Variants in LYRM9 observed in about 807,000 individuals in gnomAD.
LYRM9 encodes LYR motif-containing protein 9.
LYRM9 carries 14 observed loss-of-function variants against 12.6 expected under a neutral mutation model. The observed-to-expected ratio is 1.11, with a 90% CI of 0.73 to 1.73. LYRM9 has a LOEUF of 1.73. Ranked by LOEUF, LYRM9 falls within the 40% of genes most tolerant of loss-of-function variation. LYRM9 has a pLI of 0.00. For missense variants in LYRM9, 94 were observed against 95.0 expected (o/e 0.99, Z 0.04); for synonymous variants, 42 against 35.1 (o/e 1.20, Z -0.69).
intron 1 of LYRM9, among the ~76,000 whole-genome samples, chr17:27,887,058 C>T (rs1905253867): frequency 6.6e-6 from 1 of 152,178 alleles, no homozygotes. Flanking sequence ...TCTGAGACAA[C>T]TGCAACAGCC....
In LYRM9 at chr17:27,878,702, A is replaced by G. The variant is rs1350799615; in HGVS notation, c.*771T>C. 1 of 152,188 alleles carries G rather than the reference A, an allele frequency of 6.6e-6. No homozygotes were observed. Among genetic ancestry groups the G allele is most frequent in the Admixed American group, 6.5e-5 (1 of 15,276 alleles). 9.4% of individuals were successfully genotyped at this position (152,188 alleles called of 1,614,324 possible). On this transcript the variant is annotated 3_prime_UTR_variant, in exon 4 of 4. Transcript: ENST00000379102. ...CTGCTTTGGCGTCTCTCCTTGGTTC[A>G]TGTGGTGGGCACTTCACCACTTCAA...
At position 27,880,600 on chromosome 17, in the gene LYRM9, C is replaced by A. The variant is rs1905018195; in HGVS notation, c.127-234G>T. 5 of 559,206 alleles carry A rather than the reference C, an allele frequency of 8.9e-6. No homozygotes were observed. In the South Asian group the frequency reaches 1.1e-4, roughly 13 times the overall value. The allele number at this position is 559,206 out of a possible 1,614,324, so 34.6% of individuals were successfully genotyped here. A position where few individuals can be genotyped will look rare whatever the true frequency, so the allele number is the denominator to read the frequency against. Reference sequence around the variant, plus strand: ...TGTGACTGCAAAGCATGTACTCCTGCCACCAAGGTAGGTGCAAAAAGACTG... The same window carrying A: ...TGTGACTGCAAAGCATGTACTCCTGACACCAAGGTAGGTGCAAAAAGACTG... On this transcript the variant is annotated intron_variant, in intron 2 of 3. Coordinates refer to ENST00000379102, the MANE Select transcript of LYRM9 (RefSeq NM_001076680.3).
chr17:27,891,944 T>G (rs967468404), intron 1 of LYRM9: 1 of 151,624 alleles, frequency 6.6e-6, no homozygotes, highest in Non-Finnish European at 1.5e-5. Context: ...TTTTTTTTTT[T>G]GTCCTGAGAC....
intron 2 of LYRM9, 90 bp downstream of exon 2, chr17:27,882,479 C>G: frequency 7.0e-7 from 1 of 1,425,988 alleles, no homozygotes; most frequent in Non-Finnish European, 9.2e-7. Context: ...ATCTCAGAGA[C>G]TAGCTCTGTG....
At position 27,891,577 on chromosome 17, in the gene LYRM9, T is replaced by A. The variant is rs201833893; in HGVS notation, c.-19+1740A>T. 2.2e-4 allele frequency among the ~76,000 whole-genome samples: 34 copies of A among 152,296 alleles called. 1 individual carries two copies. In the East Asian group the frequency reaches 6.4e-3, roughly 28 times the overall value. On this transcript the variant is annotated intron_variant, in intron 1 of 3. Coordinates refer to ENST00000379102, the MANE Select transcript of LYRM9 (RefSeq NM_001076680.3). ...CACCTGCCTCAAGAATTCCCCTTCA[T>A]CCTTAGAGATCCAGTTCCCTGTCAC...
chr17:27,888,785 A>G (rs1020089090), intron 1 of LYRM9, among the ~76,000 whole-genome samples: 4 of 152,192 alleles, frequency 2.6e-5, no homozygotes, highest in African/African-American at 9.7e-5. Context: ...GAAGTCACCC[A>G]GCTTTTCTCC....
intron 1 of LYRM9, among the ~76,000 whole-genome samples, chr17:27,885,229 C>A (rs919399485): frequency 2.8e-4 from 42 of 152,318 alleles, no homozygotes; most frequent in African/African-American, 1.0e-3. Context: ...AAAAGCTAGT[C>A]CAACCAGAGT....
Position 27,892,356 on chromosome 17 carries a change from A to AT in LYRM9, c.-19+960_-19+961insA, listed in dbSNP as rs781161207. On this transcript the variant is annotated intron_variant, in intron 1 of 3. Coordinates refer to ENST00000379102, the MANE Select transcript of LYRM9 (RefSeq NM_001076680.3). The stretch of plus-strand genomic sequence containing the variant: ...GAAATGAAGGGAAATTAGTAAGAAA[A>AT]ATATATATACGGTTATTAGTCACTC... 1.3e-4 allele frequency: 58 copies of AT among 447,616 alleles called. 1 individual carries two copies. Among genetic ancestry groups the AT allele is most frequent in the South Asian group, 4.8e-4 (30 of 61,962 alleles). The allele number at this position is 447,616 out of a possible 1,614,324, so 27.7% of individuals were successfully genotyped here.
intron 1 of LYRM9, among the ~76,000 whole-genome samples, chr17:27,884,830 A>G (rs1905182076): frequency 4.9e-5 from 1 of 20,222 alleles, no homozygotes; most frequent in Non-Finnish European, 1.4e-4. Context: ...AACATATAAG[A>G]AAAAAAAAAA....
At position 27,879,130 on chromosome 17, in the gene LYRM9, C is replaced by T. The variant is rs1466201003; in HGVS notation, c.*343G>A. ...AGGTTGCTACCTGAGGGGACATCTG[C>T]TCTGGGACTCAGAGAATGATAAAGA... On this transcript the variant is annotated 3_prime_UTR_variant, in exon 4 of 4. Transcript: ENST00000379102. The T allele has an allele frequency of 3.2e-5, 8 of 250,772 alleles. No individual in the cohort carries two copies. In the East Asian group the frequency reaches 9.1e-4, roughly 29 times the overall value. The allele number at this position is 250,772 out of a possible 1,614,324, so 15.5% of individuals were successfully genotyped here.
intron 1 of LYRM9, among the ~76,000 whole-genome samples, chr17:27,887,845 C>T (rs768481177): frequency 2.2e-4 from 34 of 151,962 alleles, no homozygotes; most frequent in Non-Finnish European, 4.4e-4. Context: ...GCCAATGTCC[C>T]AGTTCAAGCA....
intron 1 of LYRM9, chr17:27,892,292 G>A (rs1457944648): frequency 2.5e-6 from 1 of 396,336 alleles, no homozygotes; most frequent in Non-Finnish European, 4.9e-6. Context: ...GTAAGCTTCT[G>A]AAGAACAAGA....
At chr17:27,884,773 G>A (rs1030284828) in intron 1 of LYRM9, among the ~76,000 whole-genome samples, 46 of 150,820 alleles carry the variant, frequency 3.0e-4, no homozygotes, top group Admixed American at 5.3e-4. Context: ...TTATGTTCCA[G>A]ATGAAGGAGC....
chr17:27,883,835 TAAAAAAAAAAAAAAAAA>T (rs781375467), intron 1 of LYRM9, among the ~76,000 whole-genome samples: 1,706 of 24,780 alleles, frequency 0.069, 103 homozygotes, highest in African/African-American at 0.2. Flanking sequence ...AGCCTTTTTC[TAAAAAAAAAAAAAAAAA>T]AAAAAAAAAA....
At chr17:27,892,036 A>G (rs2142603062) in intron 1 of LYRM9, 1 of 161,770 alleles carries the variant, frequency 6.2e-6, no homozygotes, top group East Asian at 1.9e-4. Flanking sequence ...GGCTCAAACG[A>G]TTCTACCTCA....
Position 27,879,364 on chromosome 17 carries a change from G to C in LYRM9, c.*109C>G, listed in dbSNP as rs183449365. The C allele has an allele frequency of 4.7e-6, 6 of 1,269,636 alleles. No homozygotes were observed. The African/African-American group carries it at 9.2e-5, about 19-fold the overall frequency. 78.6% of individuals were successfully genotyped at this position (1,269,636 alleles called of 1,614,324 possible). On this transcript the variant is annotated 3_prime_UTR_variant, in exon 4 of 4. Transcript: ENST00000379102. ...AGGTCAGCTTCTCCCCTGATTTCTG[G>C]CTTTCAGCCAACAAGGCCAATGGCT...
At position 27,882,367 on chromosome 17, in the gene LYRM9, C is replaced by T. The variant is rs567185395; in HGVS notation, c.126+202G>A. The stretch of plus-strand genomic sequence containing the variant: ...CTGCCTCATGCATGCCCTAGCACAG[C>T]TGGTGTGCTGGGTGAGGCACCCTCT... On this transcript the variant is annotated intron_variant, in intron 2 of 3. Transcript: ENST00000379102. Among the ~76,000 whole-genome samples the T allele has an allele frequency of 9.2e-5, 14 of 152,338 alleles. No individual in the cohort carries two copies. The Middle Eastern group carries it at 0.01, about 111-fold the overall frequency.
intron 1 of LYRM9, among the ~76,000 whole-genome samples, chr17:27,885,610 T>G (rs1230819483): frequency 6.8e-6 from 1 of 147,416 alleles, no homozygotes; most frequent in African/African-American, 2.5e-5. Context: ...CTCAAGAGGC[T>G]GTGATGGGAG....
intron 1 of LYRM9, chr17:27,882,917 G>C: frequency 1.5e-6 from 1 of 668,302 alleles, no homozygotes; most frequent in Non-Finnish European, 2.8e-6. Context: ...AAGACCAAAG[G>C]TGAGTGTGGA....
Sources: gnomAD v4.1 joint callset for allele counts (sites outside exome capture counted in the v4.1 genomes callset) on GRCh38, gnomAD v4.1.1 for gene constraint, MANE v1.5 for transcripts, NCBI Gene and HGNC (gene_info 2026-07-23, HGNC 2026-07-21) for gene names.